Variants in SEPTIN5 observed in about 807,000 individuals in gnomAD.
SEPTIN5 encodes septin-5.
In SEPTIN5, 16 loss-of-function variants were observed where a neutral mutation model predicts 51.2. That is an observed-to-expected ratio of 0.31 (90% CI 0.21 to 0.47). SEPTIN5 has a LOEUF of 0.47. SEPTIN5 is among the 20% of genes least tolerant of loss of function. SEPTIN5 has a pLI of 0.99. For missense variants in SEPTIN5, 376 were observed against 500.3 expected, an observed-to-expected ratio of 0.75 and a Z score of 2.37; for synonymous variants, 208 against 191.2, an observed-to-expected ratio of 1.09 and a Z score of -0.72.
At chr22:19,720,088 G>GCCCTT in intron 4 of SEPTIN5, 27 bp from the exon 5 acceptor site, 1 of 1,612,678 alleles carries the variant, frequency 6.2e-7, no homozygotes, top group Non-Finnish European at 8.5e-7. Context: ...GGTTGGAGAG[G>GCCCTT]CCCTTCCAGT....
Position 19,722,584 on chromosome 22 carries a change from A to G in SEPTIN5, c.*100A>G. Reference sequence around the variant, plus strand: ...CCGGAGACGCGGGGCCACAGCCCCCAGCTGACCCTAATTTATTCTCAGCAC... The same window carrying G: ...CCGGAGACGCGGGGCCACAGCCCCCGGCTGACCCTAATTTATTCTCAGCAC... On this transcript the variant is annotated 3_prime_UTR_variant, in exon 12 of 12. Transcript: ENST00000455784. 1 of 1,259,508 alleles carries G rather than the reference A, an allele frequency of 7.9e-7. No individual in the cohort carries two copies. The highest frequency in any genetic ancestry group is 1.1e-6 in the Non-Finnish European group (1 of 892,824). The allele number at this position is 1,259,508 out of a possible 1,614,324, so 78.0% of individuals were successfully genotyped here.
chr22:19,717,416 C>T, intron 2 of SEPTIN5: 1 of 462,414 alleles, frequency 2.2e-6, no homozygotes, highest in Non-Finnish European at 4.5e-6. Context: ...CAGGAGCTCC[C>T]AGTCCCTCCA....
intron 2 of SEPTIN5, chr22:19,718,815 C>G: frequency 8.1e-7 from 1 of 1,237,566 alleles, no homozygotes; most frequent in Non-Finnish European, 1.0e-6. Context: ...AGAGGCGGCT[C>G]AAGGTGCGTG....
intron 6 of SEPTIN5, 25 bp downstream of exon 6, chr22:19,720,479 C>T (rs776337537): frequency 1.2e-6 from 2 of 1,613,128 alleles, no homozygotes; most frequent in South Asian, 2.2e-5. Flanking sequence ...TGGGGCCAGG[C>T]TCGGGAGTGC....
At position 19,720,335 on chromosome 22, in the gene SEPTIN5, C is replaced by A. The variant is rs550209881; in HGVS notation, c.378C>A (p.Thr126=). The change falls in exon 6 of 12, where the codon ACC becomes ACA. Residue 126 remains threonine, a synonymous_variant. Transcript: ENST00000455784. ...CTGCCCACAGCTGGAAGCCCATCAC[C>A]GACTATGTGGACCAGCAGTTTGAGC... ...VNNTECWKPI[T]DYVDQQFEQY... 2 of 1,613,680 alleles carry A rather than the reference C, an allele frequency of 1.2e-6. No individual in the cohort carries two copies. The highest frequency in any genetic ancestry group is 2.2e-5 in the East Asian group (1 of 44,900).
intron 2 of SEPTIN5, chr22:19,719,056 A>G (rs1935968142): frequency 5.2e-6 from 2 of 387,164 alleles, no homozygotes; most frequent in Admixed American, 4.8e-5. Context: ...CAGGGGCCCC[A>G]AGGGTCTGCG....
intron 2 of SEPTIN5, chr22:19,717,979 G>A (rs900509079): frequency 1.3e-5 from 2 of 153,124 alleles, no homozygotes; most frequent in African/African-American, 4.8e-5. Context: ...GCTGGGGAGG[G>A]GTGCAGGGCG....
Position 19,720,179 on chromosome 22 carries a change from G to A in SEPTIN5, c.303G>A (p.Lys101=). 1.9e-6 allele frequency: 3 copies of A among 1,613,544 alleles called. No homozygotes were observed. The highest frequency in any genetic ancestry group is 1.1e-5 in the South Asian group (1 of 91,090). Residue 101 remains lysine, a synonymous_variant, in exon 5 of 12, where the codon AAG becomes AAA. Transcript: ENST00000455784. ...HTVDIEEKGV[K]LKLTIVDTPG... is the part of the protein sequence containing the mutation. Reference sequence around the variant, plus strand: ...TGGACATTGAGGAGAAGGGAGTCAAGCTGAAGCTCACCATCGTGGACACGC... The same window carrying A: ...TGGACATTGAGGAGAAGGGAGTCAAACTGAAGCTCACCATCGTGGACACGC...
chr22:19,716,314 C>G (rs1293186311), intron 2 of SEPTIN5, among the ~76,000 whole-genome samples: 2 of 152,234 alleles, frequency 1.3e-5, no homozygotes, highest in Admixed American at 1.3e-4. Flanking sequence ...TGCTGAGCCT[C>G]AGCCTGTCCA....
intron 2 of SEPTIN5, chr22:19,719,043 C>A (rs1378311347): frequency 6.9e-6 from 3 of 436,170 alleles, no homozygotes; most frequent in Non-Finnish European, 7.4e-6. Context: ...CGTGGGACCC[C>A]TCCAGGGGCC....
rs1043383681 is a variant in SEPTIN5 at position 19,722,077 on chromosome 22, C to T, written c.950+120C>T. ...ACTTTGCACCATTCCCTAAGCCCCC[C>T]CCCTCCCCCAGAGCCTGGTCTCCCT... On this transcript the variant is annotated intron_variant, in intron 10 of 11. Transcript: ENST00000455784. The T allele has an allele frequency of 1.5e-5, 20 of 1,320,246 alleles. No individual in the cohort carries two copies. In the Admixed American group the frequency reaches 3.9e-4, roughly 26 times the overall value. The allele number at this position is 1,320,246 out of a possible 1,614,324, so 81.8% of individuals were successfully genotyped here. A position where few individuals can be genotyped will look rare whatever the true frequency, so the allele number is the denominator to read the frequency against.
In SEPTIN5 at chr22:19,722,541, G is replaced by T. The variant is rs1468721328; in HGVS notation, c.*57G>T. On this transcript the variant is annotated 3_prime_UTR_variant, in exon 12 of 12. Coordinates refer to ENST00000455784, the MANE Select transcript of SEPTIN5 (RefSeq NM_002688.6). ...GACGCCCTCGCACCCCTGGACACCA[G>T]ACCGGACTGTTCCCGACCCGGAGAC... 13 of 1,541,162 alleles carry T rather than the reference G, an allele frequency of 8.4e-6. No homozygotes were observed. In the East Asian group the frequency reaches 2.4e-4, roughly 29 times the overall value.
Position 19,714,669 on chromosome 22 carries a change from T to C in SEPTIN5, c.43+38T>C, listed in dbSNP as rs980929028. 4 of 1,404,048 alleles carry C rather than the reference T, an allele frequency of 2.8e-6. No homozygotes were observed. Among genetic ancestry groups the C allele is most frequent in the Non-Finnish European group, 3.9e-6 (4 of 1,036,102 alleles). The allele number at this position is 1,404,048 out of a possible 1,614,324, so 87.0% of individuals were successfully genotyped here. On this transcript the variant is annotated intron_variant, in intron 1 of 11. Coordinates refer to ENST00000455784, the MANE Select transcript of SEPTIN5 (RefSeq NM_002688.6). This position sits in a 1 kb window ranked among gnomAD's most constrained non-coding sequence, Gnocchi z 5.2. ...CCTGCCCGCGTGCCCGCGCGCGCCT[T>C]TGTCCCCGCCGCCCGCGCGCCTCTC...
chr22:19,721,507 G>A (rs1463841926), intron 8 of SEPTIN5, 133 bp from the exon 9 acceptor site: 33 of 994,140 alleles, frequency 3.3e-5, no homozygotes, highest in Non-Finnish European at 4.5e-5. Flanking sequence ...AAGGGGCAAC[G>A]CCAGGATCTC....
In SEPTIN5 at chr22:19,714,661, GCGCGCC is replaced by G; in HGVS notation, c.43+31_43+36del. On this transcript the variant is annotated intron_variant, in intron 1 of 11. Transcript: ENST00000455784. The surrounding 1 kb of genome is among the most constrained non-coding windows in gnomAD (Gnocchi z 5.2). ...GCCCAGCGCCTGCCCGCGTGCCCGC[GCGCGCC>G]TTTGTCCCCGCCGCCCGCGCGCCTC... 2.6e-6 allele frequency: 4 copies of G among 1,512,280 alleles called. No homozygotes were observed. Among genetic ancestry groups the G allele is most frequent in the Non-Finnish European group, 3.5e-6 (4 of 1,135,674 alleles). The allele number at this position is 1,512,280 out of a possible 1,614,324, so 93.7% of individuals were successfully genotyped here.
rs1280132484 is a variant in SEPTIN5 at position 19,722,782 on chromosome 22, C to A, written c.*298C>A. ...CGGTCACAGCACCCAAACCGCAGGC[C>A]CTGCTCTGGCAGGCAGGCAAAGCTA... On this transcript the variant is annotated 3_prime_UTR_variant, in exon 12 of 12. Transcript: ENST00000455784. The A allele has an allele frequency of 7.6e-6, 4 of 523,972 alleles. No homozygotes were observed. In the Admixed American group the frequency reaches 1.3e-4, roughly 17 times the overall value. The allele number at this position is 523,972 out of a possible 1,614,324, so 32.5% of individuals were successfully genotyped here. A position where few individuals can be genotyped will look rare whatever the true frequency, so the allele number is the denominator to read the frequency against.
intron 2 of SEPTIN5, chr22:19,719,189 C>T (rs1935972980): frequency 4.5e-6 from 1 of 222,764 alleles, no homozygotes; most frequent in Non-Finnish European, 8.7e-6. Context: ...TGGGGCCTCC[C>T]GCCCCCTGGC....
At chr22:19,719,988 G>A in intron 4 of SEPTIN5, 96 bp downstream of exon 4, 1 of 1,600,420 alleles carries the variant, frequency 6.2e-7, no homozygotes, top group South Asian at 1.1e-5. Flanking sequence ...CCACTGTTCT[G>A]TTCTCGCGGT....
At position 19,720,118 on chromosome 22, in the gene SEPTIN5, G is replaced by A. The variant is rs138702635; in HGVS notation, c.242G>A (p.Arg81His). ...TCCAGTGGCCCCTTCCCCGTAGAGC[G>A]CATCAGCCAGACGGTAGAGATTCTA... ...KDRKLLSAEE[R>H]ISQTVEILKH... The change falls in exon 5 of 12, where the codon CGC becomes CAC. Residue 81 changes from arginine to histidine, a missense_variant. Arg to His is a conservative substitution (Grantham distance 29). Coordinates refer to ENST00000455784, the MANE Select transcript of SEPTIN5 (RefSeq NM_002688.6). The A allele has an allele frequency of 2.0e-5, 32 of 1,612,934 alleles. No individual in the cohort carries two copies. The highest frequency in any genetic ancestry group is 2.3e-5 in the Non-Finnish European group (27 of 1,179,998).
Sources: allele counts gnomAD v4.1 joint callset (sites outside exome capture counted in the v4.1 genomes callset), GRCh38; gene constraint gnomAD v4.1.1; non-coding constraint Gnocchi (gnomAD v3.1); transcripts MANE v1.5; gene names NCBI Gene and HGNC (gene_info 2026-07-23, HGNC 2026-07-21).